PARVB: variants seen among roughly 807,000 people sequenced by gnomAD.
PARVB encodes beta-parvin.
Under a neutral mutation model 47.0 loss-of-function variants are expected in PARVB, and 46 were observed. The observed-to-expected ratio is 0.98, with a 90% CI of 0.77 to 1.25. The LOEUF (loss-of-function observed/expected upper bound fraction) is 1.25, where lower values mean the gene tolerates loss of function less well. Ranked by LOEUF, PARVB falls within the 50% of genes most tolerant of loss-of-function variation. PARVB has a pLI of 0.00. For missense variants in PARVB, 473 were observed against 471.6 expected (o/e 1.00, Z -0.03); for synonymous variants, 196 against 196.3 (o/e 1.00, Z 0.01).
At chr22:44,079,843 G>A (rs537496398) in intron 1 of PARVB, among the ~76,000 whole-genome samples, 4 of 152,238 alleles carry the variant, frequency 2.6e-5, no homozygotes, top group East Asian at 3.9e-4. Context: ...CAGGAGGATC[G>A]CTTGAACCCA....
intron 4 of PARVB, among the ~76,000 whole-genome samples, chr22:44,120,796 C>T (rs1293175350): frequency 6.6e-6 from 1 of 151,968 alleles, no homozygotes; most frequent in Non-Finnish European, 1.5e-5. Context: ...ACACCTTGGC[C>T]TCTAGAGTAG....
chr22:44,006,635 AAAG>A (rs1390297595), intron 2 of PARVB, among the ~76,000 whole-genome samples: 1 of 152,182 alleles, frequency 6.6e-6, no homozygotes, highest in African/African-American at 2.4e-5. Context: ...GAAAAGAAAA[AAAG>A]AAAAAGAAAT....
At position 44,169,188 on chromosome 22, in the gene PARVB, C is replaced by G. The variant is rs900213733; in HGVS notation, c.*510C>G. 6.6e-6 allele frequency: 1 copy of G among 150,836 alleles called. No individual in the cohort carries two copies. The highest frequency in any genetic ancestry group is 6.5e-5 in the Admixed American group (1 of 15,426). 9.3% of individuals were successfully genotyped at this position (150,836 alleles called of 1,614,324 possible). A position where few individuals can be genotyped will look rare whatever the true frequency, so the allele number is the denominator to read the frequency against. On this transcript the variant is annotated 3_prime_UTR_variant, in exon 13 of 13. Coordinates refer to ENST00000338758, the MANE Select transcript of PARVB (RefSeq NM_013327.5). Reference sequence around the variant, plus strand: ...GGCTGGGCTCTCCTTGGAAGTGAGGCCTTTTATTAAAAATAAAAGGGTTTT... The same window carrying G: ...GGCTGGGCTCTCCTTGGAAGTGAGGGCTTTTATTAAAAATAAAAGGGTTTT...
chr22:44,062,435 C>T (rs1256651826), intron 1 of PARVB, among the ~76,000 whole-genome samples: 6 of 152,072 alleles, frequency 3.9e-5, no homozygotes, highest in African/African-American at 7.2e-5. Flanking sequence ...GTCAGGAGTT[C>T]GAGACCAACC....
upstream of PARVB, among the ~76,000 whole-genome samples, chr22:44,020,571 A>T (rs2050635597): frequency 6.6e-6 from 1 of 152,106 alleles, no homozygotes; most frequent in South Asian, 2.1e-4. Flanking sequence ...CTCAGGTTTG[A>T]TTAGCTGGAG....
At chr22:44,099,898 T>C (rs1321653637) in intron 2 of PARVB, among the ~76,000 whole-genome samples, 155 bp from the exon 3 acceptor site, 1 of 152,154 alleles carries the variant, frequency 6.6e-6, no homozygotes, top group African/African-American at 2.4e-5. Flanking sequence ...GGATGCCCCA[T>C]CCACCTTCCA....
chr22:44,056,131 C>T (rs972866243), intron 1 of PARVB, among the ~76,000 whole-genome samples: 2 of 152,216 alleles, frequency 1.3e-5, no homozygotes, highest in Non-Finnish European at 1.5e-5. Flanking sequence ...CCCAATATGA[C>T]GGGAGCCCCA....
chr22:44,067,065 C>A (rs2051551366), intron 1 of PARVB, among the ~76,000 whole-genome samples: 3 of 152,156 alleles, frequency 2.0e-5, no homozygotes, highest in Non-Finnish European at 4.4e-5. Context: ...TGGTCTCCAA[C>A]TCCTGGGCTC....
intron 1 of PARVB, among the ~76,000 whole-genome samples, chr22:44,091,274 C>CTT (rs3083368): frequency 0.073 from 6,643 of 90,496 alleles, 309 homozygotes; most frequent in East Asian, 0.2. Flanking sequence ...AGAGGGCCTG[C>CTT]TTTTTTTTTT....
intron 1 of PARVB, chr22:44,069,070 C>T: frequency 1.3e-6 from 2 of 1,591,670 alleles, no homozygotes; most frequent in Non-Finnish European, 1.7e-6. Context: ...CCTGCCACGT[C>T]CCTATATGAA....
intron 1 of PARVB, among the ~76,000 whole-genome samples, chr22:44,082,085 A>C (rs2051914773): frequency 6.6e-6 from 1 of 152,188 alleles, no homozygotes; most frequent in African/African-American, 2.4e-5. Context: ...GGGGCCGAGA[A>C]AACGGGAGGC....
At chr22:44,156,358 C>T (rs1030450485) in intron 10 of PARVB, among the ~76,000 whole-genome samples, 3 of 149,458 alleles carry the variant, frequency 2.0e-5, no homozygotes, top group Non-Finnish European at 4.4e-5. Flanking sequence ...CGGCTCACTG[C>T]AACCTCTGCC....
intron 4 of PARVB, among the ~76,000 whole-genome samples, chr22:44,123,798 G>A (rs1251431883): frequency 6.6e-6 from 1 of 152,164 alleles, no homozygotes; most frequent in African/African-American, 2.4e-5. Context: ...CCCAAAGTGT[G>A]GGGTTTATAG....
At chr22:44,160,637 G>A (rs1029831961) in intron 11 of PARVB, among the ~76,000 whole-genome samples, 2 of 152,314 alleles carry the variant, frequency 1.3e-5, no homozygotes, top group Admixed American at 1.3e-4. Flanking sequence ...AAAGAGGGCT[G>A]GGGGAGGAGG....
intron 9 of PARVB, chr22:44,149,599 C>A (rs1191704721): frequency 6.6e-6 from 1 of 152,420 alleles, no homozygotes; most frequent in African/African-American, 2.4e-5. Context: ...AGGCCCAGCT[C>A]CAATGCTCCC....
chr22:44,002,704 T>G (rs1360410461), intron 2 of PARVB, among the ~76,000 whole-genome samples: 1 of 152,170 alleles, frequency 6.6e-6, no homozygotes, highest in East Asian at 1.9e-4. Context: ...GTTTTTACAT[T>G]TACACATACA....
intron 1 of PARVB, among the ~76,000 whole-genome samples, chr22:44,047,965 G>A (rs1020722726): frequency 2.4e-4 from 37 of 152,302 alleles, no homozygotes; most frequent in African/African-American, 7.7e-4. Flanking sequence ...TTGTGGGGCT[G>A]GATGGTGTGG....
chr22:44,103,327 AC>A lies in PARVB; in HGVS notation c.273+3206del, dbSNP rs2052494456. ...GACTTCCCTGATGTGGGCTTCTGAG[AC>A]CATGGCTCATGGAGATGGGCTGCAT... is the stretch of plus-strand genomic sequence containing the variant. On this transcript the variant is annotated intron_variant, in intron 3 of 12. Transcript: ENST00000338758. This position sits in a 1 kb window ranked among gnomAD's most constrained non-coding sequence, Gnocchi z 4.6. 6.6e-6 allele frequency: 1 copy of A among 152,198 alleles called. No homozygotes were observed. The highest frequency in any genetic ancestry group is 6.5e-5 in the Admixed American group (1 of 15,286). The allele number at this position is 152,198 out of a possible 1,614,324, so 9.4% of individuals were successfully genotyped here.
chr22:44,064,733 A>G (rs1402212777), intron 1 of PARVB, among the ~76,000 whole-genome samples: 2 of 152,210 alleles, frequency 1.3e-5, no homozygotes, highest in Non-Finnish European at 2.9e-5. Context: ...ATGCACCTGT[A>G]GTCTCAGCTA....
Sources: gnomAD v4.1 joint callset for allele counts (sites outside exome capture counted in the v4.1 genomes callset) on GRCh38, gnomAD v4.1.1 for gene constraint, Gnocchi (gnomAD v3.1) non-coding constraint, MANE v1.5 for transcripts, NCBI Gene and HGNC (gene_info 2026-07-23, HGNC 2026-07-21) for gene names.